CSF1R: variants seen among roughly 807,000 people sequenced by gnomAD.
CSF1R encodes colony stimulating factor 1 receptor, also known as macrophage colony-stimulating factor 1 receptor.
CSF1R carries 40 observed loss-of-function variants against 110.0 expected under a neutral mutation model. The ratio of observed to expected loss-of-function variants is 0.36; its 90% confidence interval spans 0.28 to 0.47. CSF1R has a LOEUF of 0.47. Ranked by LOEUF, CSF1R falls within the 20% of genes least tolerant of loss-of-function variation. The pLI, the probability that CSF1R is intolerant of heterozygous loss-of-function variation, is 0.99. For synonymous variants in CSF1R, 523 were observed against 503.4 expected, an observed-to-expected ratio of 1.04 and a Z score of -0.52; for missense variants, 1,052 against 1,253.0, an observed-to-expected ratio of 0.84 and a Z score of 2.42.
rs1757886023 is a variant in CSF1R at position 150,068,561 on chromosome 5, TCA to T, written c.1511-233_1511-232del. ...GCCCAGCCCCAAACCCTGTCCAGAGTCACAGCCTCCTGTGGCTGGGGGTAGGG... is the reference window on the plus strand; with the variant it reads ...GCCCAGCCCCAAACCCTGTCCAGAGTCAGCCTCCTGTGGCTGGGGGTAGGG... On this transcript the variant is annotated intron_variant, in intron 9 of 20. Transcript: ENST00000675795. 2.0e-5 allele frequency among the ~76,000 whole-genome samples: 3 copies of T among 151,932 alleles called. No homozygotes were observed. In the South Asian group the frequency reaches 6.2e-4, roughly 32 times the overall value.
chr5:150,084,396 AAGGAAGGAAGGAAGGAAGGAAG>A (rs1758727370), intron 1 of CSF1R, among the ~76,000 whole-genome samples: 4 of 44,080 alleles, frequency 9.1e-5, no homozygotes, highest in African/African-American at 1.4e-4. Flanking sequence ...AGAAAGAAGG[AAGGAAGGAAGGAAGGAAGGAAG>A]GAAGGAAGGA....
At chr5:150,056,448 TG>T (rs2113779972) in intron 16 of CSF1R, 107 bp from the exon 17 acceptor site, 1 of 1,422,156 alleles carries the variant, frequency 7.0e-7, no homozygotes, top group East Asian at 2.5e-5. Flanking sequence ...CCTGCTGGAG[TG>T]AACAACAGTT....
intron 4 of CSF1R, among the ~76,000 whole-genome samples, chr5:150,077,802 TA>T (rs1758339178): frequency 6.6e-6 from 1 of 152,236 alleles, no homozygotes; most frequent in African/African-American, 2.4e-5. Flanking sequence ...AAACCCTTGC[TA>T]AATCAGAAGT....
intron 10 of CSF1R, 125 bp downstream of exon 10, chr5:150,068,090 C>T: frequency 1.4e-6 from 1 of 725,546 alleles, no homozygotes; most frequent in Non-Finnish European, 2.4e-6. Flanking sequence ...CAGTAGGCAC[C>T]CACTAAAGAG....
intron 2 of CSF1R, 49 bp from the exon 3 acceptor site, chr5:150,080,385 C>A (rs1336202612): frequency 6.3e-7 from 1 of 1,583,784 alleles, no homozygotes; most frequent in Non-Finnish European, 8.6e-7. Flanking sequence ...CTCCACTGGG[C>A]CAAGGAGTAC....
At chr5:150,077,647 G>A (rs564353878) in intron 4 of CSF1R, among the ~76,000 whole-genome samples, 1 of 152,252 alleles carries the variant, frequency 6.6e-6, no homozygotes, top group South Asian at 2.1e-4. Context: ...GCTGTGTCTG[G>A]AACACGGCAG....
Position 150,059,729 on chromosome 5 carries a change from G to T in CSF1R, c.2103C>A (p.Asn701Lys). The T allele has an allele frequency of 6.2e-7, 1 of 1,614,162 alleles. No homozygotes were observed. Among genetic ancestry groups the T allele is most frequent in the Non-Finnish European group, 8.5e-7 (1 of 1,179,988 alleles). Residue 701 changes from asparagine (N) to lysine (K), a missense_variant, in exon 14 of 21, where the codon AAC becomes AAA. Transcript: ENST00000675795. Reference sequence around the variant, plus strand: ...GGACATATTTCTTCTCGAGGTGGATGTTCTTATAGTCGACGCCTCCCTCGG... The same window carrying T: ...GGACATATTTCTTCTCGAGGTGGATTTTCTTATAGTCGACGCCTCCCTCGG... ...QDPEGGVDYKNIHLEKKYVRR... is the reference protein window; with the variant it reads ...QDPEGGVDYKKIHLEKKYVRR...
chr5:150,067,821 C>T (rs10040529), intron 10 of CSF1R, among the ~76,000 whole-genome samples: 16,891 of 152,200 alleles, frequency 0.11, 1,330 homozygotes, highest in East Asian at 0.32. Flanking sequence ...TCCTCATAGC[C>T]TCTCACTCTA....
chr5:150,094,153 C>A, intron 1 of CSF1R: 1 of 551,446 alleles, frequency 1.8e-6, no homozygotes, highest in Non-Finnish European at 3.1e-6. Flanking sequence ...TAATATCAGA[C>A]AAAATAGACT....
intron 16 of CSF1R, among the ~76,000 whole-genome samples, chr5:150,056,916 C>T (rs1460148849): frequency 6.6e-6 from 1 of 152,142 alleles, no homozygotes; most frequent in Non-Finnish European, 1.5e-5. Flanking sequence ...AGGCCGAGCG[C>T]ACTTTATACG....
At chr5:150,077,984 T>A in intron 4 of CSF1R, 128 bp downstream of exon 4, 1 of 1,060,182 alleles carries the variant, frequency 9.4e-7, no homozygotes, top group South Asian at 1.4e-5. Flanking sequence ...TGCACCCCTC[T>A]CTGGAGTCTG....
At chr5:150,105,382 ATAT>A (rs1209090984) in intron 1 of CSF1R, among the ~76,000 whole-genome samples, 959 of 82,776 alleles carry the variant, frequency 0.012, 6 homozygotes, top group Middle Eastern at 0.022. Context: ...ATATATATAT[ATAT>A]TTTTTTTTTT....
intron 2 of CSF1R, 109 bp downstream of exon 2, chr5:150,080,658 C>T: frequency 7.2e-7 from 1 of 1,386,986 alleles, no homozygotes; most frequent in East Asian, 2.4e-5. Context: ...TTGCTCATAG[C>T]CAGCACTCAG....
At chr5:150,084,769 T>TA (rs145324551) in intron 1 of CSF1R, among the ~76,000 whole-genome samples, 2,320 of 150,976 alleles carry the variant, frequency 0.015, 54 homozygotes, top group African/African-American at 0.053. Context: ...TCCATCTCAA[T>TA]AAAAAAAATA....
chr5:150,057,726 C>T (rs559184026), intron 14 of CSF1R, 134 bp from the exon 15 acceptor site: 1 of 657,240 alleles, frequency 1.5e-6, no homozygotes, highest in African/African-American at 1.8e-5. Flanking sequence ...TGCCACACTC[C>T]ATCTGAGTGA....
At position 150,053,837 on chromosome 5, in the gene CSF1R, G is replaced by A. The variant is rs952163871; in HGVS notation, c.*232C>T. ...CAACACCATGAGAACAGTAGGGGAG[G>A]GGGGGGTGAGGGCTCAGCCCCCAGC... On this transcript the variant is annotated 3_prime_UTR_variant, in exon 21 of 21. Coordinates refer to ENST00000675795, the MANE Select transcript of CSF1R (RefSeq NM_001288705.3). The A allele has an allele frequency of 8.9e-5, 52 of 583,004 alleles. No homozygotes were observed. Among genetic ancestry groups the A allele is most frequent in the African/African-American group, 7.7e-4 (39 of 50,908 alleles). The allele number at this position is 583,004 out of a possible 1,614,324, so 36.1% of individuals were successfully genotyped here.
At chr5:150,071,452 C>T (rs1442149903) in intron 6 of CSF1R, among the ~76,000 whole-genome samples, 1 of 152,210 alleles carries the variant, frequency 6.6e-6, no homozygotes, top group Admixed American at 6.5e-5. Flanking sequence ...GCAGCTACTA[C>T]TAGACTAAAA....
At chr5:150,090,252 A>T (rs142685455), upstream of CSF1R, among the ~76,000 whole-genome samples, 2 of 152,346 alleles carry the variant, frequency 1.3e-5, no homozygotes, top group East Asian at 3.9e-4. Context: ...ATTTATATCC[A>T]CAATAAATAA....
At chr5:150,071,215 C>A (rs1290552819) in intron 6 of CSF1R, among the ~76,000 whole-genome samples, 1 of 152,194 alleles carries the variant, frequency 6.6e-6, no homozygotes, top group East Asian at 1.9e-4. Flanking sequence ...CCCTTTATTA[C>A]AGAAAAGGCC....
Sources: allele counts gnomAD v4.1 joint callset (sites outside exome capture counted in the v4.1 genomes callset), GRCh38; gene constraint gnomAD v4.1.1; transcripts MANE v1.5; gene names NCBI Gene and HGNC (gene_info 2026-07-23, HGNC 2026-07-21).